The following STIM1 variants were observed in gnomAD, a reference collection of about 807,000 sequenced individuals.
The protein encoded by STIM1 is stromal interaction molecule 1.
A neutral mutation model predicts 74.7 loss-of-function variants in STIM1; 25 were observed. That is an observed-to-expected ratio of 0.33 (90% CI 0.24 to 0.47). STIM1 has a LOEUF of 0.47. STIM1 is among the 20% of genes least tolerant of loss of function. STIM1 has a pLI of 1.00. For synonymous variants in STIM1, 328 were observed against 348.8 expected (o/e 0.94, Z 0.66); for missense variants, 728 against 920.8 (o/e 0.79, Z 2.71).
At chr11:3,875,440 T>C (rs1390939384) in intron 1 of STIM1, among the ~76,000 whole-genome samples, 1 of 152,072 alleles carries the variant, frequency 6.6e-6, no homozygotes. Context: ...CATAACAAAA[T>C]ATAGGCCAGG....
chr11:4,076,778 C>CT (rs1419348051), intron 7 of STIM1, among the ~76,000 whole-genome samples: 1 of 137,476 alleles, frequency 7.3e-6, no homozygotes, highest in Non-Finnish European at 1.6e-5. Context: ...ATTGTGGTTC[C>CT]TTTTTTGGGA....
rs115684695 is a variant in STIM1, at chr11:3,880,480, A to G, written c.139+24071A>G. On this transcript the variant is annotated intron_variant, in intron 1 of 12. Coordinates refer to ENST00000526596, the MANE Select transcript of STIM1 (RefSeq NM_001382567.1). ...TTGTGGACAGCTGGGGGATGGTTTC[A>G]GTGTCAAACTTTGGGAGTAAAATCT... 3.1e-3 allele frequency among the ~76,000 whole-genome samples: 465 copies of G among 152,316 alleles called. 2 individuals are homozygous for G. Among genetic ancestry groups the G allele is most frequent in the African/African-American group, 0.011 (448 of 41,574 alleles).
intron 2 of STIM1, among the ~76,000 whole-genome samples, chr11:4,001,764 A>G (rs1442172381): frequency 6.7e-6 from 1 of 149,688 alleles, no homozygotes; most frequent in Non-Finnish European, 1.5e-5. Flanking sequence ...AATGGACTAA[A>G]TGCTCCAATT....
chr11:4,038,075 C>G (rs1446988193), intron 3 of STIM1, among the ~76,000 whole-genome samples: 2 of 148,940 alleles, frequency 1.3e-5, no homozygotes, highest in African/African-American at 4.9e-5. Flanking sequence ...TGCTTTGTAA[C>G]CCAGGCTGGA....
At chr11:4,012,119 T>C (rs1361051564) in intron 2 of STIM1, among the ~76,000 whole-genome samples, 1 of 152,228 alleles carries the variant, frequency 6.6e-6, no homozygotes, top group African/African-American at 2.4e-5. Flanking sequence ...CTGTTTTGGT[T>C]ACTGTAGCCT....
chr11:3,908,990 G>T (rs551253428), intron 1 of STIM1, among the ~76,000 whole-genome samples: 1 of 152,164 alleles, frequency 6.6e-6, no homozygotes, highest in Non-Finnish European at 1.5e-5. Flanking sequence ...TGATGATTTG[G>T]AAGTTTTTCT....
chr11:4,020,664 C>T (rs2093947218), intron 2 of STIM1, among the ~76,000 whole-genome samples: 1 of 152,068 alleles, frequency 6.6e-6, no homozygotes, highest in African/African-American at 2.4e-5. Context: ...TCACAACTCA[C>T]TACAACCTTG....
chr11:3,871,937 TG>T (rs1205530582), intron 1 of STIM1, among the ~76,000 whole-genome samples: 4 of 152,246 alleles, frequency 2.6e-5, no homozygotes, highest in Non-Finnish European at 5.9e-5. Flanking sequence ...ATTACTGTAT[TG>T]GTTTTTCTCC....
chr11:3,928,816 A>T (rs895112571), intron 1 of STIM1, among the ~76,000 whole-genome samples: 6 of 152,186 alleles, frequency 3.9e-5, no homozygotes, highest in African/African-American at 1.4e-4. Flanking sequence ...AACTGTATTT[A>T]AACCTTCTAT....
chr11:3,918,101 A>G (rs577913415), intron 1 of STIM1, among the ~76,000 whole-genome samples: 234 of 151,796 alleles, frequency 1.5e-3, no homozygotes, highest in Non-Finnish European at 2.7e-3. Flanking sequence ...TGTCATTAGG[A>G]CTCACTCTCT....
chr11:3,990,379 T>C (rs1221162960), intron 2 of STIM1, among the ~76,000 whole-genome samples: 1 of 152,230 alleles, frequency 6.6e-6, no homozygotes, highest in Non-Finnish European at 1.5e-5. Context: ...TATAGACATG[T>C]ATAAGTTTTT....
chr11:4,048,382 A>G (rs1005779737), intron 3 of STIM1, among the ~76,000 whole-genome samples: 6 of 152,254 alleles, frequency 3.9e-5, no homozygotes, highest in Non-Finnish European at 7.3e-5. Flanking sequence ...AAATTTGTAT[A>G]TAAGTGTAAA....
At chr11:4,081,503 C>A (rs570790548) in intron 7 of STIM1, among the ~76,000 whole-genome samples, 127 of 152,332 alleles carry the variant, frequency 8.3e-4, no homozygotes, top group Admixed American at 1.6e-3. Context: ...GAATCATAGA[C>A]GCAGTCTCTG....
chr11:3,907,973 A>ATTCT, intron 1 of STIM1, among the ~76,000 whole-genome samples: 1 of 152,324 alleles, frequency 6.6e-6, no homozygotes, highest in African/African-American at 2.4e-5. Flanking sequence ...TCTATTTAAA[A>ATTCT]ATAGCAATCC....
In STIM1 at chr11:4,030,209, A is replaced by T. The variant is rs935241044; in HGVS notation, c.385+6222A>T. 3.3e-5 allele frequency among the ~76,000 whole-genome samples: 5 copies of T among 151,950 alleles called. No homozygotes were observed. In the East Asian group the frequency reaches 9.7e-4, roughly 29 times the overall value. On this transcript the variant is annotated intron_variant, in intron 3 of 12. Transcript: ENST00000526596. ...CCAGGTGTGGTGGTGGGCATCTATA[A>T]TCCCAGCTACTCGGGAGGCTGAGGC...
At chr11:3,902,301 A>G (rs2092368651) in intron 1 of STIM1, among the ~76,000 whole-genome samples, 1 of 152,214 alleles carries the variant, frequency 6.6e-6, no homozygotes, top group Non-Finnish European at 1.5e-5. Context: ...AAGTTTATAT[A>G]CTGCAGAAGC....
intron 1 of STIM1, among the ~76,000 whole-genome samples, chr11:3,951,803 T>C (rs2093151959): frequency 6.6e-6 from 1 of 152,138 alleles, no homozygotes; most frequent in Admixed American, 6.5e-5. Flanking sequence ...TCTGTAATTA[T>C]TTTTTTGGCT....
At chr11:3,919,262 A>G (rs983176628) in intron 1 of STIM1, among the ~76,000 whole-genome samples, 5 of 152,080 alleles carry the variant, frequency 3.3e-5, no homozygotes, top group South Asian at 2.1e-4. Flanking sequence ...CTGGAGTGCA[A>G]TGGTGCGATC....
chr11:3,913,189 C>CT (rs955195379), intron 1 of STIM1, among the ~76,000 whole-genome samples: 7 of 149,160 alleles, frequency 4.7e-5, no homozygotes, highest in East Asian at 2.0e-4. Context: ...TATCAAGTTG[C>CT]TTTTTTTTTT....
Sources: allele counts gnomAD v4.1 joint callset (sites outside exome capture counted in the v4.1 genomes callset), GRCh38; gene constraint gnomAD v4.1.1; transcripts MANE v1.5; gene names NCBI Gene and HGNC (gene_info 2026-07-23, HGNC 2026-07-21).